Variants in RPSA2 observed in about 807,000 individuals in gnomAD.
RPSA2 encodes the protein small ribosomal subunit protein uS2B.
At chr19:23,784,441 G>A in the RPSA2 span, among the ~76,000 whole-genome samples, 2 of 152,212 alleles carry the variant, frequency 1.3e-5, no homozygotes, top group South Asian at 4.1e-4. Flanking sequence ...AGTTGAGATG[G>A]TGACTCATTT....
At chr19:23,759,959 TC>T in the RPSA2 span, among the ~76,000 whole-genome samples, 5 of 152,132 alleles carry the variant, frequency 3.3e-5, no homozygotes, top group South Asian at 1.0e-3. Flanking sequence ...ATCTCAACAC[TC>T]CAAGGCTACA....
the RPSA2 span, among the ~76,000 whole-genome samples, chr19:23,870,475 A>T: frequency 6.6e-6 from 1 of 152,078 alleles, no homozygotes; most frequent in African/African-American, 2.4e-5. Context: ...GTAAAAGCCC[A>T]TTTGCAGGGA....
At chr19:23,863,418 G>A in the RPSA2 span, among the ~76,000 whole-genome samples, 3 of 151,998 alleles carry the variant, frequency 2.0e-5, no homozygotes, top group South Asian at 6.2e-4. Context: ...ACAACAATTA[G>A]CCAGGCATCG....
the RPSA2 span, among the ~76,000 whole-genome samples, chr19:23,850,012 C>G: frequency 3.3e-5 from 5 of 152,060 alleles, no homozygotes; most frequent in African/African-American, 1.2e-4. Context: ...GCAGCCCAGA[C>G]TTGAGTTTGT....
the RPSA2 span, among the ~76,000 whole-genome samples, chr19:23,761,200 C>T: frequency 6.6e-6 from 1 of 151,678 alleles, no homozygotes; most frequent in Admixed American, 6.6e-5. Context: ...CTACCTCAGC[C>T]TCTTGAGTAG....
At chr19:23,813,247 A>AAAG in the RPSA2 span, among the ~76,000 whole-genome samples, 1 of 151,678 alleles carries the variant, frequency 6.6e-6, no homozygotes, top group Non-Finnish European at 1.5e-5. Flanking sequence ...AAAAAAAAAA[A>AAAG]AAGTTGTGTA....
the RPSA2 span, chr19:23,827,797 A>G: frequency 9.5e-6 from 15 of 1,583,814 alleles, no homozygotes; most frequent in South Asian, 1.3e-4. Context: ...AGATTGAAAA[A>G]GAAGAGCAGG....
chr19:23,758,947 G>A, the RPSA2 span: 1 of 662,394 alleles, frequency 1.5e-6, no homozygotes, highest in East Asian at 2.7e-5. Context: ...ATGCCTGATT[G>A]GACAGTTCCC....
the RPSA2 span, among the ~76,000 whole-genome samples, chr19:23,851,066 G>C: frequency 6.6e-6 from 1 of 152,196 alleles, no homozygotes; most frequent in African/African-American, 2.4e-5. Context: ...TGCAAAGCAA[G>C]AATACTTCTT....
chr19:23,823,899 T>C, the RPSA2 span: 1 of 152,098 alleles, frequency 6.6e-6, no homozygotes, highest in Non-Finnish European at 1.5e-5. Context: ...TGGCTTGGGG[T>C]CTCACACCTA....
chr19:23,806,106 A>G, the RPSA2 span, among the ~76,000 whole-genome samples: 1 of 139,924 alleles, frequency 7.1e-6, no homozygotes, highest in African/African-American at 2.7e-5. Flanking sequence ...GTGAAGTGGC[A>G]TGATCTCGGC....
chr19:23,865,582 G>A, the RPSA2 span, among the ~76,000 whole-genome samples: 2 of 152,144 alleles, frequency 1.3e-5, no homozygotes, highest in Admixed American at 6.5e-5. Context: ...CTCCAACAGT[G>A]CATATTGAAA....
chr19:23,761,167 A>G, the RPSA2 span, among the ~76,000 whole-genome samples: 3 of 151,638 alleles, frequency 2.0e-5, no homozygotes, highest in African/African-American at 7.3e-5. Flanking sequence ...GGGTCACTGC[A>G]GCCTCAACCT....
chr19:23,865,384 T>C, the RPSA2 span, among the ~76,000 whole-genome samples: 1 of 152,174 alleles, frequency 6.6e-6, no homozygotes, highest in Non-Finnish European at 1.5e-5. Flanking sequence ...GCAGGCCCTC[T>C]TGATGTGGAA....
the RPSA2 span, among the ~76,000 whole-genome samples, chr19:23,858,213 G>C: frequency 7.3e-6 from 1 of 136,506 alleles, no homozygotes; most frequent in Non-Finnish European, 1.5e-5. Context: ...TTGTTGTGTT[G>C]GTCATTGAAA....
At chr19:23,847,798 T>C in the RPSA2 span, among the ~76,000 whole-genome samples, 1 of 152,120 alleles carries the variant, frequency 6.6e-6, no homozygotes, top group Non-Finnish European at 1.5e-5. Context: ...AGAGCGGCCA[T>C]TTATAGACCT....
At chr19:23,829,488 A>G in the RPSA2 span, among the ~76,000 whole-genome samples, 1 of 152,074 alleles carries the variant, frequency 6.6e-6, no homozygotes, top group African/African-American at 2.4e-5. Flanking sequence ...TTTAGTAGAT[A>G]TGAGGTTTCT....
chr19:23,817,615 T>C, the RPSA2 span: 2 of 152,124 alleles, frequency 1.3e-5, no homozygotes, highest in African/African-American at 4.8e-5. Context: ...AACTGGAGGA[T>C]TTTATTAAGG....
At chr19:23,834,463 A>C in the RPSA2 span, among the ~76,000 whole-genome samples, 1 of 152,038 alleles carries the variant, frequency 6.6e-6, no homozygotes, top group African/African-American at 2.4e-5. Flanking sequence ...TGTAAGATGC[A>C]TAATGAAAAT....
Sources: gnomAD v4.1 joint callset for allele counts (sites outside exome capture counted in the v4.1 genomes callset) on GRCh38, gnomAD v4.1.1 for gene constraint, MANE v1.5 for transcripts, NCBI Gene and HGNC (gene_info 2026-07-23, HGNC 2026-07-21) for gene names.